The following MAP2K5 variants were observed in gnomAD, a reference collection of about 807,000 sequenced individuals.
The protein encoded by MAP2K5 is mitogen-activated protein kinase kinase 5, also known as dual specificity mitogen-activated protein kinase kinase 5.
Under a neutral mutation model 83.1 loss-of-function variants are expected in MAP2K5, and 49 were observed. The ratio of observed to expected loss-of-function variants is 0.59; its 90% CI spans 0.47 to 0.75. The LOEUF is 0.75. MAP2K5 is among the 30% of genes least tolerant of loss of function. MAP2K5 has a pLI of 0.00. For synonymous variants in MAP2K5, 202 were observed against 191.8 expected, an observed-to-expected ratio of 1.05 and a Z score of -0.44; for missense variants, 457 against 557.5, an observed-to-expected ratio of 0.82 and a Z score of 1.82.
chr15:67,800,202 A>T (rs2090678448), intron 21 of MAP2K5, among the ~76,000 whole-genome samples: 1 of 152,238 alleles, frequency 6.6e-6, no homozygotes, highest in African/African-American at 2.4e-5. Context: ...TAACGTCTCT[A>T]ATCTGAAGTT....
At chr15:67,688,422 G>A (rs1385808895) in intron 13 of MAP2K5, among the ~76,000 whole-genome samples, 2 of 152,194 alleles carry the variant, frequency 1.3e-5, no homozygotes, top group African/African-American at 2.4e-5. Flanking sequence ...CAGCTTAGTA[G>A]CATTGTTGAG....
In MAP2K5 at chr15:67,783,211, C is replaced by T. The variant is rs1387887511; in HGVS notation, c.1242+10459C>T. ...GCAGCATGTCAGCCCCAAGTCCTGA[C>T]CCCCCAGCCAGCTCACAGTCCAGTG... On this transcript the variant is annotated intron_variant, in intron 21 of 21. Transcript: ENST00000178640. This position sits in a 1 kb window ranked among gnomAD's most constrained non-coding sequence, Gnocchi z 5.1. Among the ~76,000 whole-genome samples the T allele has an allele frequency of 6.6e-6, 1 of 152,164 alleles. No homozygotes were observed. Among genetic ancestry groups the T allele is most frequent in the Non-Finnish European group, 1.5e-5 (1 of 68,038 alleles).
rs1171088586 is a variant in MAP2K5, at chr15:67,638,224, C to G, written c.585+7297C>G. On this transcript the variant is annotated intron_variant, in intron 9 of 21. Coordinates refer to ENST00000178640, the MANE Select transcript of MAP2K5 (RefSeq NM_145160.3). This position sits in a 1 kb window ranked among gnomAD's most constrained non-coding sequence, Gnocchi z 4.5. ...TTTTCCTGATCATCTCCCCACTTCA[C>G]CCTCCACCTTCTGATAGGCCACAGT... Among the ~76,000 whole-genome samples the G allele has an allele frequency of 6.6e-6, 1 of 152,094 alleles. No homozygotes were observed. Among genetic ancestry groups the G allele is most frequent in the Admixed American group, 6.5e-5 (1 of 15,268 alleles).
intron 17 of MAP2K5, among the ~76,000 whole-genome samples, chr15:67,733,889 G>A (rs985117108): frequency 6.6e-6 from 1 of 152,130 alleles, no homozygotes; most frequent in Admixed American, 6.6e-5. Context: ...GTCATCCTTG[G>A]GTAAGAGAAA....
At chr15:67,583,638 C>A (rs919277294) in intron 4 of MAP2K5, among the ~76,000 whole-genome samples, 1 of 151,932 alleles carries the variant, frequency 6.6e-6, no homozygotes, top group Non-Finnish European at 1.5e-5. Flanking sequence ...CTGTGTCTAC[C>A]TAGTTGGTTA....
chr15:67,737,010 G>A (rs2089356238), intron 17 of MAP2K5, among the ~76,000 whole-genome samples: 1 of 152,174 alleles, frequency 6.6e-6, no homozygotes, highest in Admixed American at 6.5e-5. Flanking sequence ...TCAGCAACAG[G>A]GCCAGACTGT....
intron 11 of MAP2K5, among the ~76,000 whole-genome samples, chr15:67,654,208 C>G (rs971372624): frequency 6.6e-6 from 1 of 152,028 alleles, no homozygotes; most frequent in Non-Finnish European, 1.5e-5. Flanking sequence ...TTTGGCACTC[C>G]GTTGTTAGGT....
Position 67,693,568 on chromosome 15 carries a change from G to T in MAP2K5, c.972G>T (p.Ala324=). 1 of 1,608,938 alleles carries T rather than the reference G, an allele frequency of 6.2e-7. No homozygotes were observed. The change falls in exon 15 of 22, where the codon GCG becomes GCT. Residue 324 remains alanine (A), a splice_region_variant and synonymous_variant. Transcript: ENST00000178640. ...ATGTTGGAACAAATGCTTATATGGCGGTAAGTAAACTTATGCAAAAATAAT... is the reference window on the plus strand; with the variant it reads ...ATGTTGGAACAAATGCTTATATGGCTGTAAGTAAACTTATGCAAAAATAAT... ...KTYVGTNAYM[A]PERISGEQYG... is the part of the protein sequence containing the mutation.
At chr15:67,725,502 G>A (rs1402712051) in intron 16 of MAP2K5, among the ~76,000 whole-genome samples, 1 of 152,210 alleles carries the variant, frequency 6.6e-6, no homozygotes, top group Non-Finnish European at 1.5e-5. Context: ...TGTGTGGTGG[G>A]CAAGTTTCCT....
At chr15:67,554,123 G>A (rs2084574236) in intron 2 of MAP2K5, among the ~76,000 whole-genome samples, 1 of 151,980 alleles carries the variant, frequency 6.6e-6, no homozygotes, top group Non-Finnish European at 1.5e-5. Context: ...GCAGTGGTGC[G>A]ATCTCAGCTC....
intron 19 of MAP2K5, among the ~76,000 whole-genome samples, chr15:67,765,146 G>A (rs151232829): frequency 1.3e-3 from 198 of 152,310 alleles, no homozygotes; most frequent in African/African-American, 4.6e-3. Context: ...GGATCACGAG[G>A]TCAAGAGATG....
chr15:67,670,699 A>T (rs913203059), intron 13 of MAP2K5, among the ~76,000 whole-genome samples: 3 of 152,032 alleles, frequency 2.0e-5, no homozygotes, highest in Non-Finnish European at 2.9e-5. Flanking sequence ...AGTAGCTTAA[A>T]AAACAGCCAG....
chr15:67,748,777 T>C lies in MAP2K5; in HGVS notation c.1134+176T>C, dbSNP rs901209353. Among the ~76,000 whole-genome samples, 11 of 152,208 alleles carry C rather than the reference T, an allele frequency of 7.2e-5. No homozygotes were observed. Among genetic ancestry groups the C allele is most frequent in the African/African-American group, 2.7e-4 (11 of 41,442 alleles). On this transcript the variant is annotated intron_variant, in intron 19 of 21. Coordinates refer to ENST00000178640, the MANE Select transcript of MAP2K5 (RefSeq NM_145160.3). This position sits in a 1 kb window ranked among gnomAD's most constrained non-coding sequence, Gnocchi z 4.0. ...GTCCTGAATCCCACTCTTCTGATTC[T>C]GGCCAAGAAACCCTGCAAAAACAGA...
intron 21 of MAP2K5, among the ~76,000 whole-genome samples, chr15:67,791,141 A>T (rs2090510450): frequency 6.6e-6 from 1 of 152,186 alleles, no homozygotes; most frequent in South Asian, 2.1e-4. Flanking sequence ...GCCCTTCTTA[A>T]GTTATTCATA....
chr15:67,547,328 G>C (rs967410453), intron 1 of MAP2K5, among the ~76,000 whole-genome samples: 3 of 151,976 alleles, frequency 2.0e-5, no homozygotes, highest in Non-Finnish European at 4.4e-5. Flanking sequence ...CTTTATGCTC[G>C]TGGCATGTTG....
At chr15:67,674,894 C>T (rs2087639732) in intron 13 of MAP2K5, among the ~76,000 whole-genome samples, 1 of 151,866 alleles carries the variant, frequency 6.6e-6, no homozygotes, top group Non-Finnish European at 1.5e-5. Context: ...AAATTAAAAC[C>T]ACCATGAGAT....
chr15:67,571,382 GTTTAC>G (rs1404832463), intron 3 of MAP2K5, among the ~76,000 whole-genome samples: 1 of 152,130 alleles, frequency 6.6e-6, no homozygotes, highest in Non-Finnish European at 1.5e-5. Context: ...CACAATACCT[GTTTAC>G]TTTATTATTT....
chr15:67,792,209 AC>A (rs1425389120), intron 21 of MAP2K5, among the ~76,000 whole-genome samples: 1 of 152,094 alleles, frequency 6.6e-6, no homozygotes, highest in Non-Finnish European at 1.5e-5. Context: ...CGTTGCTAAG[AC>A]CCTCCTGCAA....
intron 8 of MAP2K5, among the ~76,000 whole-genome samples, chr15:67,611,054 A>G (rs2074869264): frequency 6.6e-6 from 1 of 152,236 alleles, no homozygotes; most frequent in African/African-American, 2.4e-5. Context: ...TTTGGAAGAT[A>G]TGTATTGTGT....
Sources: gnomAD v4.1 joint callset for allele counts (sites outside exome capture counted in the v4.1 genomes callset) on GRCh38, gnomAD v4.1.1 for gene constraint, Gnocchi (gnomAD v3.1) non-coding constraint, MANE v1.5 for transcripts, NCBI Gene and HGNC (gene_info 2026-07-23, HGNC 2026-07-21) for gene names.